EPHA5: variants seen among roughly 807,000 people sequenced by gnomAD.
EPHA5 encodes ephrin type-A receptor 5.
Under a neutral mutation model 105.0 loss-of-function variants are expected in EPHA5, and 60 were observed. The observed-to-expected ratio is 0.57, with a 90% CI of 0.46 to 0.71. The LOEUF is 0.71. EPHA5 is among the 30% of genes least tolerant of loss of function. The probability of loss-of-function intolerance (pLI) is 0.00; values close to 1 mark genes in which losing one functional copy is unlikely to be tolerated. For missense variants in EPHA5, 1,218 were observed against 1,274.7 expected (o/e 0.96, Z 0.68); for synonymous variants, 513 against 449.1 (o/e 1.14, Z -1.80).
intron 3 of EPHA5, among the ~76,000 whole-genome samples, chr4:65,558,137 A>C (rs1370145893): frequency 6.6e-6 from 1 of 152,062 alleles, no homozygotes; most frequent in Admixed American, 6.6e-5. Flanking sequence ...TCAACCTCCC[A>C]AAGTGGCGGG....
At chr4:65,335,341 T>TA (rs940175077) in intron 15 of EPHA5, among the ~76,000 whole-genome samples, 7 of 151,942 alleles carry the variant, frequency 4.6e-5, no homozygotes, top group African/African-American at 9.7e-5. Flanking sequence ...TTCAGAAAAG[T>TA]AAAAAATATG....
intron 3 of EPHA5, among the ~76,000 whole-genome samples, chr4:65,555,685 C>T (rs1320878358): frequency 7.0e-6 from 1 of 142,444 alleles, no homozygotes; most frequent in African/African-American, 3.1e-5. Flanking sequence ...TAAGAGATCA[C>T]TGGAATATTG....
chr4:65,417,630 T>G (rs2149029231), intron 6 of EPHA5, among the ~76,000 whole-genome samples: 1 of 152,176 alleles, frequency 6.6e-6, no homozygotes, highest in South Asian at 2.1e-4. Flanking sequence ...TCATTTTTTC[T>G]TAATTTGAGT....
chr4:65,470,211 G>A (rs112367484), intron 5 of EPHA5, among the ~76,000 whole-genome samples: 31,262 of 133,964 alleles, frequency 0.23, 4,074 homozygotes, highest in Middle Eastern at 0.4. Context: ...TTTTTTTCTT[G>A]AGACAGAGTC....
At chr4:65,449,299 A>C (rs1218538055) in intron 5 of EPHA5, among the ~76,000 whole-genome samples, 1 of 152,184 alleles carries the variant, frequency 6.6e-6, no homozygotes, top group Non-Finnish European at 1.5e-5. Context: ...AGCACCTTAA[A>C]TTCAAAAATA....
At chr4:65,564,813 A>G (rs891432846) in intron 3 of EPHA5, among the ~76,000 whole-genome samples, 4 of 151,774 alleles carry the variant, frequency 2.6e-5, no homozygotes, top group African/African-American at 9.7e-5. Flanking sequence ...ACAATTAATA[A>G]TGCAAGGACA....
In EPHA5 at chr4:65,367,338, T is replaced by G. The variant is rs1374908387; in HGVS notation, c.1861+19A>C. On this transcript the variant is annotated intron_variant, in intron 9 of 16. Transcript: ENST00000613740. ...TGTCCCCTATTTTATTCTATTTTTA[T>G]TTTTTACAATTTGCTTACTGTGCCC... The G allele has an allele frequency of 1.2e-6, 2 of 1,600,030 alleles. No individual in the cohort carries two copies. Among genetic ancestry groups the G allele is most frequent in the Non-Finnish European group, 8.5e-7 (1 of 1,171,112 alleles).
chr4:65,602,832 C>T (rs931680257), intron 2 of EPHA5, among the ~76,000 whole-genome samples: 22 of 151,870 alleles, frequency 1.4e-4, no homozygotes, highest in Non-Finnish European at 2.9e-5. Flanking sequence ...AAATAACACA[C>T]CAATGGAATA....
In EPHA5 at chr4:65,490,425, G is replaced by A. The variant is rs2149212317; in HGVS notation, c.1354C>T (p.Pro452Ser). 1 of 1,614,036 alleles carries A rather than the reference G, an allele frequency of 6.2e-7. No individual in the cohort carries two copies. The highest frequency in any genetic ancestry group is 8.5e-7 in the Non-Finnish European group (1 of 1,180,000). ...ACAGACACATACTGCCGGGCTCCTGGGCTCAAGTCGGACACTCCATTCACT... is the reference window on the plus strand; with the variant it reads ...ACAGACACATACTGCCGGGCTCCTGAGCTCAAGTCGGACACTCCATTCACT... ...EAVNGVSDLS[P>S]GARQYVSVNV... is the part of the protein sequence containing the mutation. The change falls in exon 5 of 17, where the codon CCA (proline) becomes TCA (serine). Residue 452 changes from proline to serine, a missense_variant. This residue lies in a region of EPHA5 where 971 missense variants were observed against 1,013.5 expected (regional missense o/e 0.96). Coordinates refer to ENST00000613740, the MANE Select transcript of EPHA5 (RefSeq NM_001281766.3).
At chr4:65,553,877 C>G (rs1738153422) in intron 3 of EPHA5, among the ~76,000 whole-genome samples, 1 of 151,972 alleles carries the variant, frequency 6.6e-6, no homozygotes, top group Non-Finnish European at 1.5e-5. Flanking sequence ...TGGCAATGAG[C>G]CGCATCCTAA....
chr4:65,449,515 G>C (rs1454678495), intron 5 of EPHA5, among the ~76,000 whole-genome samples: 1 of 152,104 alleles, frequency 6.6e-6, no homozygotes, highest in Non-Finnish European at 1.5e-5. Context: ...ACAAGAAGTT[G>C]ACAATATCAA....
intron 8 of EPHA5, among the ~76,000 whole-genome samples, chr4:65,369,445 T>A (rs1219603835): frequency 6.6e-6 from 1 of 152,168 alleles, no homozygotes; most frequent in African/African-American, 2.4e-5. Flanking sequence ...GACAGACTGA[T>A]AAAATATTTT....
At chr4:65,657,113 CT>C (rs1433742910) in intron 1 of EPHA5, among the ~76,000 whole-genome samples, 2 of 151,964 alleles carry the variant, frequency 1.3e-5, no homozygotes, top group Non-Finnish European at 2.9e-5. Context: ...AATGTTTCTG[CT>C]GTTTTCTCTC....
intron 4 of EPHA5, 81 bp from the exon 5 acceptor site, chr4:65,490,793 T>C: frequency 7.2e-7 from 1 of 1,390,004 alleles, no homozygotes; most frequent in South Asian, 1.4e-5. Context: ...ATTCCTGGTC[T>C]GAAGGAAAAA....
chr4:65,394,118 A>T lies in EPHA5; in HGVS notation c.1793+10256T>A, dbSNP rs140195523. ...ATTTGCATGATTTTAGAATGAATAC[A>T]ATTTACTGGATATACCTGTCCCATG... On this transcript the variant is annotated intron_variant, in intron 8 of 16. Coordinates refer to ENST00000613740, the MANE Select transcript of EPHA5 (RefSeq NM_001281766.3). Among the ~76,000 whole-genome samples the T allele has an allele frequency of 1.9e-3, 295 of 152,316 alleles. 2 individuals are homozygous for T. The highest frequency in any genetic ancestry group is 6.7e-3 in the African/African-American group (279 of 41,576).
At chr4:65,632,947 A>G (rs902881302) in intron 2 of EPHA5, among the ~76,000 whole-genome samples, 1 of 152,066 alleles carries the variant, frequency 6.6e-6, no homozygotes, top group African/African-American at 2.4e-5. Flanking sequence ...AGAAATTTAT[A>G]TGAATCATTT....
intron 2 of EPHA5, among the ~76,000 whole-genome samples, chr4:65,640,282 C>CTTTTTTTTTT (rs869149037): frequency 1.1e-4 from 10 of 92,230 alleles, no homozygotes; most frequent in East Asian, 3.5e-4. Context: ...TCAGTTTTTT[C>CTTTTTTTTTT]TTTTTTTTTT....
intron 14 of EPHA5, among the ~76,000 whole-genome samples, chr4:65,343,542 T>C (rs890527472): frequency 1.3e-5 from 2 of 152,138 alleles, no homozygotes; most frequent in African/African-American, 2.4e-5. Flanking sequence ...TCATTTGAAA[T>C]TGCCAAATCA....
chr4:65,431,580 C>T (rs866421924), intron 5 of EPHA5, among the ~76,000 whole-genome samples: 1 of 152,046 alleles, frequency 6.6e-6, no homozygotes, highest in Non-Finnish European at 1.5e-5. Flanking sequence ...TGGCAATTCT[C>T]CTCTTCCCGA....
Sources: gnomAD v4.1 joint callset for allele counts (sites outside exome capture counted in the v4.1 genomes callset) on GRCh38, gnomAD v4.1.1 for gene constraint, gnomAD v4.1.1 regional missense constraint, MANE v1.5 for transcripts, NCBI Gene and HGNC (gene_info 2026-07-23, HGNC 2026-07-21) for gene names.